Variants in LRP1B observed in about 807,000 individuals in gnomAD.
LRP1B encodes the protein LDL receptor related protein 1B.
In LRP1B, 217 loss-of-function variants were observed where a neutral mutation model predicts 556.6. That is an observed-to-expected ratio of 0.39 (90% CI 0.35 to 0.44). LRP1B has a LOEUF of 0.44. Among genes scored for constraint, LRP1B ranks in the 20% least tolerant of loss-of-function variants. The pLI is 1.00. For missense variants in LRP1B, 5,053 were observed against 5,620.8 expected, an observed-to-expected ratio of 0.90 and a Z score of 3.23; for synonymous variants, 2,047 against 1,865.8, an observed-to-expected ratio of 1.10 and a Z score of -2.50.
chr2:140,893,453 G>T (rs551096613), intron 23 of LRP1B, among the ~76,000 whole-genome samples: 1 of 152,292 alleles, frequency 6.6e-6, no homozygotes, highest in Admixed American at 6.5e-5. Context: ...TTATGTAAAT[G>T]CTCCTGCTTT....
intron 1 of LRP1B, among the ~76,000 whole-genome samples, chr2:141,895,570 G>A (rs1416025770): frequency 1.3e-5 from 2 of 152,274 alleles, no homozygotes; most frequent in Admixed American, 1.3e-4. Context: ...AAAGGAAATT[G>A]TTATTCCAAT....
intron 79 of LRP1B, among the ~76,000 whole-genome samples, chr2:140,328,292 G>GCTCA (rs1419504767): frequency 6.6e-6 from 1 of 151,626 alleles, no homozygotes; most frequent in Non-Finnish European, 1.5e-5. Context: ...AGATACATAG[G>GCTCA]CTCACTAAGT....
At chr2:141,424,435 C>T (rs1280280539) in intron 3 of LRP1B, among the ~76,000 whole-genome samples, 1 of 152,102 alleles carries the variant, frequency 6.6e-6, no homozygotes, top group Non-Finnish European at 1.5e-5. Context: ...TAACTACTTC[C>T]ATGACATGTA....
At chr2:140,462,241 G>A (rs777186601) in intron 60 of LRP1B, among the ~76,000 whole-genome samples, 1 of 152,042 alleles carries the variant, frequency 6.6e-6, no homozygotes, top group Non-Finnish European at 1.5e-5. Context: ...CCTCACACCA[G>A]GAATACTGCA....
At chr2:141,304,887 A>C (rs1348143594) in intron 3 of LRP1B, among the ~76,000 whole-genome samples, 1 of 152,050 alleles carries the variant, frequency 6.6e-6, no homozygotes, top group East Asian at 1.9e-4. Flanking sequence ...TCTTCTTAGC[A>C]CCTTTGTCAA....
Position 141,005,214 on chromosome 2 carries a change from T to C in LRP1B, c.2503+121A>G, listed in dbSNP as rs890425547. On this transcript the variant is annotated intron_variant, in intron 15 of 90. Transcript: ENST00000389484. ...ATAATTTATAGTCTAAAAAGAATTA[T>C]ATCTAAATAATTATCTGAATTTCTC... The C allele has an allele frequency of 3.7e-6, 4 of 1,090,570 alleles. No homozygotes were observed. The African/African-American group carries it at 6.4e-5, about 17-fold the overall frequency. The allele number at this position is 1,090,570 out of a possible 1,614,324, so 67.6% of individuals were successfully genotyped here.
chr2:141,573,599 G>A (rs1183037845), intron 2 of LRP1B, among the ~76,000 whole-genome samples: 2 of 135,250 alleles, frequency 1.5e-5, no homozygotes, highest in African/African-American at 5.6e-5. Flanking sequence ...TAAGATCAGA[G>A]AAGAACTGAA....
chr2:141,658,601 C>T (rs1289811418), intron 2 of LRP1B, among the ~76,000 whole-genome samples: 3 of 152,138 alleles, frequency 2.0e-5, no homozygotes, highest in Admixed American at 1.3e-4. Context: ...ATACAACTCC[C>T]GCTGCATGAG....
At chr2:141,360,850 A>C (rs1014846134) in intron 3 of LRP1B, among the ~76,000 whole-genome samples, 1 of 152,244 alleles carries the variant, frequency 6.6e-6, no homozygotes, top group Non-Finnish European at 1.5e-5. Flanking sequence ...ACCCAAATAC[A>C]CAAGCATATA....
At chr2:141,072,399 A>G (rs1450837914) in intron 7 of LRP1B, among the ~76,000 whole-genome samples, 3 of 152,076 alleles carry the variant, frequency 2.0e-5, no homozygotes, top group African/African-American at 7.2e-5. Context: ...TGAAATGTCT[A>G]CAGGATAATT....
intron 53 of LRP1B, among the ~76,000 whole-genome samples, chr2:140,506,000 T>C (rs931158305): frequency 2.0e-5 from 3 of 152,068 alleles, no homozygotes; most frequent in Non-Finnish European, 4.4e-5. Context: ...AAAATATATG[T>C]AAAGGCAATA....
At chr2:140,283,602 A>G (rs1017957070) in intron 84 of LRP1B, among the ~76,000 whole-genome samples, 1 of 151,806 alleles carries the variant, frequency 6.6e-6, no homozygotes, top group South Asian at 2.1e-4. Flanking sequence ...TGTAAAACTC[A>G]GCCAAATTAT....
intron 2 of LRP1B, among the ~76,000 whole-genome samples, chr2:141,584,271 T>A (rs142679233): frequency 1.3e-5 from 2 of 151,742 alleles, no homozygotes; most frequent in African/African-American, 4.8e-5. Context: ...AAGAAGATAA[T>A]TTTTTCAACT....
In LRP1B at chr2:142,069,157, C is replaced by T. The variant is rs554849865; in HGVS notation, c.82+61491G>A. Among the ~76,000 whole-genome samples the T allele has an allele frequency of 3.3e-5, 5 of 151,596 alleles. No homozygotes were observed. The South Asian group carries it at 8.3e-4, about 25-fold the overall frequency. ...AGTGAAATTTGTGTTTGTATGCACA[C>T]AGGAGTATGACTGAAATATGGCTAC... On this transcript the variant is annotated intron_variant, in intron 1 of 90. Coordinates refer to ENST00000389484, the MANE Select transcript of LRP1B (RefSeq NM_018557.3).
At chr2:142,096,937 T>C (rs1706393915) in intron 1 of LRP1B, among the ~76,000 whole-genome samples, 1 of 151,586 alleles carries the variant, frequency 6.6e-6, no homozygotes. Context: ...GAGTACTTAA[T>C]GTTTAGTTCC....
chr2:141,115,747 G>C (rs892293201), intron 7 of LRP1B, among the ~76,000 whole-genome samples: 2 of 151,852 alleles, frequency 1.3e-5, no homozygotes, highest in African/African-American at 4.8e-5. Context: ...CTCCCAAAGT[G>C]CTGGAATTAC....
chr2:140,748,291 T>C (rs1482250625), intron 35 of LRP1B, among the ~76,000 whole-genome samples: 18 of 60,978 alleles, frequency 3.0e-4, no homozygotes, highest in Middle Eastern at 6.8e-3. Context: ...TTCATATATG[T>C]ATATATATTC....
At chr2:141,661,206 T>C (rs995613730) in intron 2 of LRP1B, among the ~76,000 whole-genome samples, 7 of 151,948 alleles carry the variant, frequency 4.6e-5, no homozygotes, top group Admixed American at 3.3e-4. Flanking sequence ...CTAGATAAAC[T>C]CAAGAAGACG....
intron 3 of LRP1B, among the ~76,000 whole-genome samples, chr2:141,359,663 G>A (rs1024982299): frequency 6.6e-6 from 1 of 152,126 alleles, no homozygotes; most frequent in African/African-American, 2.4e-5. Flanking sequence ...GGCTGAGGCA[G>A]GAGAATCGCT....
Sources: allele counts gnomAD v4.1 joint callset (sites outside exome capture counted in the v4.1 genomes callset), GRCh38; gene constraint gnomAD v4.1.1; transcripts MANE v1.5; gene names NCBI Gene and HGNC (gene_info 2026-07-23, HGNC 2026-07-21).